ST8SIA1: variants seen among roughly 807,000 people sequenced by gnomAD.
The protein encoded by ST8SIA1 is alpha-N-acetylneuraminide alpha-2,8-sialyltransferase.
A neutral mutation model predicts 35.9 loss-of-function variants in ST8SIA1; 16 were observed. That is an observed-to-expected ratio of 0.45 (90% CI 0.30 to 0.68). The LOEUF is 0.68. Ranked by LOEUF, ST8SIA1 falls within the 30% of genes least tolerant of loss-of-function variation. ST8SIA1 has a pLI of 0.09. For synonymous variants in ST8SIA1, 170 were observed against 169.6 expected (o/e 1.00, Z -0.02); for missense variants, 383 against 453.6 (o/e 0.84, Z 1.41).
At chr12:22,299,507 G>A (rs1042581077) in intron 1 of ST8SIA1, among the ~76,000 whole-genome samples, 4 of 152,076 alleles carry the variant, frequency 2.6e-5, no homozygotes, top group African/African-American at 9.7e-5. Flanking sequence ...GTCTGTGTAA[G>A]TCCAATAAGA....
Position 22,210,438 on chromosome 12 carries a change from T to C in ST8SIA1, c.585-8400A>G, listed in dbSNP as rs183763504. Reference sequence around the variant, plus strand: ...CACTAATCAACACAGAAAAATTCTGTGACCTATATGTGGGTTTTTTCCCCC... The same window carrying C: ...CACTAATCAACACAGAAAAATTCTGCGACCTATATGTGGGTTTTTTCCCCC... On this transcript the variant is annotated intron_variant, in intron 4 of 4. Coordinates refer to ENST00000396037, the MANE Select transcript of ST8SIA1 (RefSeq NM_003034.4). 1.4e-3 allele frequency among the ~76,000 whole-genome samples: 211 copies of C among 152,290 alleles called. 1 individual carries two copies. The highest frequency in any genetic ancestry group is 4.9e-3 in the African/African-American group (204 of 41,558).
At chr12:22,203,674 T>C (rs144053932) in intron 4 of ST8SIA1, among the ~76,000 whole-genome samples, 1 of 152,284 alleles carries the variant, frequency 6.6e-6, no homozygotes, top group East Asian at 1.9e-4. Context: ...CATTCAACCA[T>C]ATCTGGAGCT....
intron 1 of ST8SIA1, among the ~76,000 whole-genome samples, chr12:22,315,349 G>A (rs1022226080): frequency 2.6e-5 from 4 of 152,098 alleles, no homozygotes; most frequent in Non-Finnish European, 4.4e-5. Flanking sequence ...AGAGGACTTG[G>A]TTTAGAGCAA....
At chr12:22,274,874 T>C (rs1237840636) in intron 2 of ST8SIA1, among the ~76,000 whole-genome samples, 5 of 152,362 alleles carry the variant, frequency 3.3e-5, no homozygotes, top group South Asian at 2.1e-4. Flanking sequence ...ACCCTGTCTA[T>C]GTGCTGCCTT....
chr12:22,230,868 C>A (rs1865411192), intron 4 of ST8SIA1, among the ~76,000 whole-genome samples: 2 of 151,948 alleles, frequency 1.3e-5, no homozygotes, highest in Non-Finnish European at 2.9e-5. Flanking sequence ...TAATGGAAAG[C>A]AGCAGTCCCC....
intron 4 of ST8SIA1, among the ~76,000 whole-genome samples, chr12:22,246,955 T>G (rs1865611192): frequency 6.6e-6 from 1 of 152,220 alleles, no homozygotes; most frequent in South Asian, 2.1e-4. Context: ...ATGCGTGTTT[T>G]CTTCATAGTG....
chr12:22,333,757 G>A (rs1275506685), intron 1 of ST8SIA1: 8 of 711,604 alleles, frequency 1.1e-5, no homozygotes, highest in East Asian at 2.5e-5. Context: ...GAAGAAATGC[G>A]TCGAGTCTTT....
chr12:22,257,967 A>G (rs188687950), intron 2 of ST8SIA1, among the ~76,000 whole-genome samples: 1 of 151,978 alleles, frequency 6.6e-6, no homozygotes, highest in Admixed American at 6.5e-5. Flanking sequence ...AGTCTTTCAT[A>G]AGAGATTTTG....
At chr12:22,321,086 G>T (rs1181566623) in intron 1 of ST8SIA1, among the ~76,000 whole-genome samples, 1 of 151,770 alleles carries the variant, frequency 6.6e-6, no homozygotes, top group East Asian at 1.9e-4. Context: ...CCAGACACCA[G>T]ACACACCAGG....
Position 22,329,403 on chromosome 12 carries a change from T to A in ST8SIA1, c.236+4594A>T, listed in dbSNP as rs532349602. The stretch of plus-strand genomic sequence containing the variant: ...AACTAGGCCTGGTATATTTTACGTA[T>A]CCAGTAAGGGTTAGTGATTGATTTT... On this transcript the variant is annotated intron_variant, in intron 1 of 4. Transcript: ENST00000396037. Among the ~76,000 whole-genome samples the A allele has an allele frequency of 2.0e-5, 3 of 152,314 alleles. No individual in the cohort carries two copies. In the South Asian group the frequency reaches 6.2e-4, roughly 32 times the overall value.
At chr12:22,233,934 T>C (rs1452014974) in intron 4 of ST8SIA1, among the ~76,000 whole-genome samples, 1 of 152,196 alleles carries the variant, frequency 6.6e-6, no homozygotes, top group Non-Finnish European at 1.5e-5. Flanking sequence ...GCAGATTTTT[T>C]TGTTTAAAAC....
At chr12:22,317,458 T>C (rs1341398307) in intron 1 of ST8SIA1, among the ~76,000 whole-genome samples, 1 of 152,250 alleles carries the variant, frequency 6.6e-6, no homozygotes, top group Non-Finnish European at 1.5e-5. Flanking sequence ...GTAGTCAAGC[T>C]GTCTGCTGGG....
chr12:22,214,715 G>T (rs1012071511), intron 4 of ST8SIA1, among the ~76,000 whole-genome samples: 8 of 151,966 alleles, frequency 5.3e-5, no homozygotes, highest in Non-Finnish European at 1.2e-4. Flanking sequence ...TATGACACTA[G>T]TAATAATTTG....
intron 2 of ST8SIA1, among the ~76,000 whole-genome samples, chr12:22,268,068 T>TA (rs1865867499): frequency 6.6e-6 from 1 of 152,186 alleles, no homozygotes; most frequent in Admixed American, 6.5e-5. Context: ...CAACAGCGAA[T>TA]AAGCCCCTCA....
intron 2 of ST8SIA1, among the ~76,000 whole-genome samples, chr12:22,262,315 T>C (rs1865801976): frequency 6.6e-6 from 1 of 152,202 alleles, no homozygotes; most frequent in South Asian, 2.1e-4. Flanking sequence ...GAATGGTTTT[T>C]ATAATTAAGT....
chr12:22,301,182 G>A (rs1866314392), intron 1 of ST8SIA1, among the ~76,000 whole-genome samples: 1 of 151,918 alleles, frequency 6.6e-6, no homozygotes. Context: ...CTTAGAAGGT[G>A]GTTTTATAAT....
chr12:22,241,357 T>TAC (rs1204574138), intron 4 of ST8SIA1, among the ~76,000 whole-genome samples: 1 of 152,122 alleles, frequency 6.6e-6, no homozygotes, highest in Non-Finnish European at 1.5e-5. Flanking sequence ...TTCCTTGCAA[T>TAC]AGTAAGTGAC....
At chr12:22,218,478 C>T (rs1346899293) in intron 4 of ST8SIA1, among the ~76,000 whole-genome samples, 1 of 144,152 alleles carries the variant, frequency 6.9e-6, no homozygotes. Context: ...ATTAGCCAGG[C>T]ATGGTGGCGG....
intron 1 of ST8SIA1, among the ~76,000 whole-genome samples, chr12:22,322,095 C>G (rs1866609591): frequency 6.6e-6 from 1 of 152,216 alleles, no homozygotes; most frequent in Admixed American, 6.5e-5. Context: ...AGACCTCTGC[C>G]ATCGCAATCA....
Sources: gnomAD v4.1 joint callset for allele counts (sites outside exome capture counted in the v4.1 genomes callset) on GRCh38, gnomAD v4.1.1 for gene constraint, MANE v1.5 for transcripts, NCBI Gene and HGNC (gene_info 2026-07-23, HGNC 2026-07-21) for gene names.